CNTN5: variants seen among roughly 807,000 people sequenced by gnomAD.
The protein encoded by CNTN5 is contactin-5.
In CNTN5, 77 loss-of-function variants were observed where a neutral mutation model predicts 129.1. The ratio of observed to expected loss-of-function variants is 0.60; its 90% CI spans 0.50 to 0.72. The LOEUF (loss-of-function observed/expected upper bound fraction) is 0.72. CNTN5 is among the 30% of genes least tolerant of loss of function. The probability of loss-of-function intolerance (pLI) is 0.00; values close to 1 mark genes in which losing one functional copy is unlikely to be tolerated. For missense variants in CNTN5, 1,478 were observed against 1,328.8 expected (o/e 1.11, Z -1.75); for synonymous variants, 509 against 465.6 (o/e 1.09, Z -1.20).
chr11:99,423,744 G>T (rs1942996439), intron 2 of CNTN5, among the ~76,000 whole-genome samples: 1 of 152,144 alleles, frequency 6.6e-6, no homozygotes, highest in Admixed American at 6.5e-5. Flanking sequence ...ATTCACAACA[G>T]GTTCCCTGGT....
chr11:100,347,758 C>T (rs944404838), intron 23 of CNTN5, among the ~76,000 whole-genome samples: 7 of 151,998 alleles, frequency 4.6e-5, no homozygotes, highest in Non-Finnish European at 7.4e-5. Context: ...CCATTGTCAC[C>T]GAGGCTTTAG....
At chr11:99,993,344 A>G (rs530513709) in intron 8 of CNTN5, among the ~76,000 whole-genome samples, 136 of 152,306 alleles carry the variant, frequency 8.9e-4, no homozygotes, top group Non-Finnish European at 1.7e-3. Context: ...ACCTTGGGCC[A>G]GTTACTTGAC....
intron 3 of CNTN5, among the ~76,000 whole-genome samples, chr11:99,576,320 T>C (rs538910639): frequency 6.8e-4 from 104 of 152,244 alleles, no homozygotes; most frequent in Non-Finnish European, 4.3e-4. Flanking sequence ...AAGAACCTCA[T>C]CTATGGCAGA....
intron 2 of CNTN5, among the ~76,000 whole-genome samples, chr11:99,523,629 TAGAATAGAATAGAATAGAATAGAAC>T (rs1345520842): frequency 1.3e-4 from 6 of 46,416 alleles, no homozygotes; most frequent in African/African-American, 3.2e-4. Flanking sequence ...TAGAATAGAA[TAGAATAGAATAGAATAGAATAGAAC>T]AGAACAGATC....
At chr11:99,063,389 A>ATT (rs1415404024) in intron 1 of CNTN5, among the ~76,000 whole-genome samples, 18 of 152,208 alleles carry the variant, frequency 1.2e-4, no homozygotes, top group African/African-American at 4.3e-4. Context: ...CTACAGTTCA[A>ATT]GTAACAAAAT....
chr11:99,730,940 C>T (rs1261025167), intron 3 of CNTN5, among the ~76,000 whole-genome samples: 1 of 152,140 alleles, frequency 6.6e-6, no homozygotes, highest in Non-Finnish European at 1.5e-5. Flanking sequence ...ACACTTCATC[C>T]TCCTTTTCCC....
At chr11:99,339,949 C>G (rs927095326) in intron 2 of CNTN5, among the ~76,000 whole-genome samples, 2 of 151,892 alleles carry the variant, frequency 1.3e-5, no homozygotes, top group African/African-American at 4.8e-5. Flanking sequence ...ATTGTGTGGA[C>G]TTTGGTTTTC....
At chr11:99,407,307 A>C (rs1942119876) in intron 2 of CNTN5, among the ~76,000 whole-genome samples, 2 of 152,112 alleles carry the variant, frequency 1.3e-5, no homozygotes, top group South Asian at 4.2e-4. Flanking sequence ...TATTCAAATC[A>C]GCGGGTTCCC....
At chr11:99,860,216 G>T (rs114897506) in intron 6 of CNTN5, among the ~76,000 whole-genome samples, 1 of 151,664 alleles carries the variant, frequency 6.6e-6, no homozygotes, top group Non-Finnish European at 1.5e-5. Flanking sequence ...TTAGGCCTTT[G>T]TCTGAGGTGT....
chr11:100,003,075 C>T (rs1322156258), intron 9 of CNTN5, among the ~76,000 whole-genome samples: 2 of 151,970 alleles, frequency 1.3e-5, no homozygotes, highest in African/African-American at 4.8e-5. Context: ...AAAAAATCAG[C>T]TAGCTAAGGT....
intron 1 of CNTN5, among the ~76,000 whole-genome samples, chr11:99,303,677 A>G (rs890585698): frequency 1.3e-5 from 2 of 151,984 alleles, no homozygotes; most frequent in Non-Finnish European, 2.9e-5. Context: ...ATCTGTATTC[A>G]AGTACTTGAG....
chr11:99,089,891 C>T (rs1866169036), intron 1 of CNTN5, among the ~76,000 whole-genome samples: 1 of 152,082 alleles, frequency 6.6e-6, no homozygotes, highest in Non-Finnish European at 1.5e-5. Flanking sequence ...TTTATAGGTG[C>T]AGGTCTATGA....
chr11:99,994,069 T>A (rs1451195959), intron 8 of CNTN5, among the ~76,000 whole-genome samples: 1 of 152,136 alleles, frequency 6.6e-6, no homozygotes, highest in Non-Finnish European at 1.5e-5. Context: ...TAATGGAAAT[T>A]ATTTGAGGAA....
chr11:99,127,592 C>G (rs1305007838), intron 1 of CNTN5, among the ~76,000 whole-genome samples: 1 of 152,210 alleles, frequency 6.6e-6, no homozygotes, highest in African/African-American at 2.4e-5. Flanking sequence ...CAGTTTCTCT[C>G]TGGTCGGTGT....
At chr11:99,967,694 A>C (rs1237042388) in intron 8 of CNTN5, among the ~76,000 whole-genome samples, 1 of 152,094 alleles carries the variant, frequency 6.6e-6, no homozygotes, top group African/African-American at 2.4e-5. Flanking sequence ...AACCACATCT[A>C]ATTTTTCCGA....
chr11:99,154,616 T>G (rs185651548), intron 1 of CNTN5, among the ~76,000 whole-genome samples: 1 of 152,096 alleles, frequency 6.6e-6, no homozygotes, highest in African/African-American at 2.4e-5. Context: ...GAGGCTGTGG[T>G]AGAAGGAAGG....
intron 6 of CNTN5, among the ~76,000 whole-genome samples, chr11:99,895,655 G>C (rs934918619): frequency 8.6e-5 from 13 of 151,738 alleles, no homozygotes; most frequent in Non-Finnish European, 1.9e-4. Flanking sequence ...AGTGGGGGAA[G>C]AGTGAGTGAG....
intron 6 of CNTN5, among the ~76,000 whole-genome samples, chr11:99,914,967 A>G (rs1337685012): frequency 6.6e-6 from 1 of 152,232 alleles, no homozygotes; most frequent in East Asian, 1.9e-4. Flanking sequence ...TGTCAAATTA[A>G]TATTAAATTT....
At chr11:99,086,032 A>T (rs1243065807) in intron 1 of CNTN5, among the ~76,000 whole-genome samples, 2 of 152,248 alleles carry the variant, frequency 1.3e-5, no homozygotes, top group African/African-American at 4.8e-5. Context: ...TTAAAACCAG[A>T]TAATCAGTAT....
Sources: gnomAD v4.1 joint callset for allele counts (sites outside exome capture counted in the v4.1 genomes callset) on GRCh38, gnomAD v4.1.1 for gene constraint, MANE v1.5 for transcripts, NCBI Gene and HGNC (gene_info 2026-07-23, HGNC 2026-07-21) for gene names.